PDE7A: variants seen among roughly 807,000 people sequenced by gnomAD.
PDE7A encodes the protein high affinity 3',5'-cyclic-AMP phosphodiesterase 7A.
Under a neutral mutation model 64.3 loss-of-function variants are expected in PDE7A, and 39 were observed. The observed-to-expected ratio is 0.61, with a 90% CI of 0.47 to 0.79. The LOEUF is 0.79. PDE7A is among the 30% of genes least tolerant of loss of function. The pLI is 0.00. For missense variants in PDE7A, 470 were observed against 582.8 expected (o/e 0.81, Z 1.99); for synonymous variants, 203 against 206.8 (o/e 0.98, Z 0.16).
At chr8:65,760,719 G>A (rs926086210) in intron 3 of PDE7A, among the ~76,000 whole-genome samples, 2 of 152,158 alleles carry the variant, frequency 1.3e-5, no homozygotes, top group Non-Finnish European at 2.9e-5. Context: ...CACAGACACT[G>A]TTTTCCTGGA....
chr8:65,828,507 A>T (rs942439515), intron 1 of PDE7A, among the ~76,000 whole-genome samples: 1 of 152,184 alleles, frequency 6.6e-6, no homozygotes, highest in African/African-American at 2.4e-5. Flanking sequence ...CACTGAAATG[A>T]ATTAAAATAT....
intron 5 of PDE7A, among the ~76,000 whole-genome samples, chr8:65,744,691 G>A (rs190586651): frequency 2.6e-5 from 4 of 152,196 alleles, no homozygotes; most frequent in Admixed American, 2.6e-4. Context: ...ATTATAAATG[G>A]CCACAATCTA....
intron 1 of PDE7A, among the ~76,000 whole-genome samples, chr8:65,838,128 C>T (rs1489299206): frequency 6.6e-6 from 1 of 152,064 alleles, no homozygotes; most frequent in African/African-American, 2.4e-5. Context: ...ATAAGATTTG[C>T]TTCCAGTGCA....
intron 5 of PDE7A, among the ~76,000 whole-genome samples, 161 bp from the exon 6 acceptor site, chr8:65,739,758 T>G (rs1303096639): frequency 1.3e-5 from 2 of 152,256 alleles, no homozygotes; most frequent in Non-Finnish European, 2.9e-5. Context: ...ATGAACTTTA[T>G]ATGTCACATC....
intron 3 of PDE7A, among the ~76,000 whole-genome samples, chr8:65,763,888 C>T (rs1808635819): frequency 6.6e-6 from 1 of 152,162 alleles, no homozygotes; most frequent in South Asian, 2.1e-4. Context: ...AGGTCCAATA[C>T]GTATCGGTCA....
chr8:65,807,109 T>A (rs1441949072), intron 1 of PDE7A, among the ~76,000 whole-genome samples: 1 of 152,250 alleles, frequency 6.6e-6, no homozygotes, highest in East Asian at 1.9e-4. Context: ...ATACTGAATC[T>A]GTAGATCAAT....
At chr8:65,795,948 GAA>G (rs58027345) in intron 1 of PDE7A, among the ~76,000 whole-genome samples, 1 of 150,600 alleles carries the variant, frequency 6.6e-6, no homozygotes, top group Non-Finnish European at 1.5e-5. Context: ...TGTACACAAT[GAA>G]AAAAAAGAAA....
intron 10 of PDE7A, among the ~76,000 whole-genome samples, 199 bp from the exon 11 acceptor site, chr8:65,724,550 T>A (rs1435724470): frequency 6.6e-6 from 1 of 152,172 alleles, no homozygotes; most frequent in African/African-American, 2.4e-5. Context: ...AAAAATTGTT[T>A]TCATCAGAAA....
chr8:65,795,701 G>C (rs1300126321), intron 1 of PDE7A, among the ~76,000 whole-genome samples: 2 of 152,048 alleles, frequency 1.3e-5, no homozygotes, highest in African/African-American at 4.8e-5. Context: ...AAGCGTAAAG[G>C]GATCAGGTGG....
intron 1 of PDE7A, among the ~76,000 whole-genome samples, chr8:65,786,282 A>C (rs147218822): frequency 1.3e-5 from 2 of 152,330 alleles, no homozygotes; most frequent in East Asian, 3.9e-4. Flanking sequence ...TTATGAAATA[A>C]ATCCAAATGA....
At chr8:65,780,266 A>G (rs1401341146) in intron 2 of PDE7A, among the ~76,000 whole-genome samples, 2 of 152,198 alleles carry the variant, frequency 1.3e-5, no homozygotes, top group Non-Finnish European at 2.9e-5. Context: ...GCACTATACT[A>G]TGGGCTAAAA....
At chr8:65,772,239 T>C (rs1351377679) in intron 3 of PDE7A, among the ~76,000 whole-genome samples, 2 of 152,234 alleles carry the variant, frequency 1.3e-5, no homozygotes, top group African/African-American at 4.8e-5. Flanking sequence ...ATGAATTTAA[T>C]ACACATATCC....
chr8:65,742,182 A>G (rs1347421865), intron 5 of PDE7A, among the ~76,000 whole-genome samples: 1 of 152,254 alleles, frequency 6.6e-6, no homozygotes, highest in Non-Finnish European at 1.5e-5. Context: ...TAGAAAAGCT[A>G]CCCACATAAA....
intron 1 of PDE7A, among the ~76,000 whole-genome samples, chr8:65,830,409 G>A (rs892693784): frequency 3.3e-5 from 5 of 151,774 alleles, no homozygotes; most frequent in African/African-American, 1.2e-4. Context: ...TAGAAGAATG[G>A]GTGCTACTGC....
Position 65,825,855 on chromosome 8 carries a change from TG to T in PDE7A, c.138+15515del, listed in dbSNP as rs531856938. 2.6e-5 allele frequency among the ~76,000 whole-genome samples: 4 copies of T among 151,826 alleles called. No homozygotes were observed. In the South Asian group the frequency reaches 8.3e-4, roughly 32 times the overall value. ...ACCACATATTCAATGGCGGTGAAGG[TG>T]GGGGGTGAGGCGGAGATGAATGCCA... On this transcript the variant is annotated intron_variant, in intron 1 of 12. Transcript: ENST00000401827.
intron 1 of PDE7A, among the ~76,000 whole-genome samples, chr8:65,836,502 G>A (rs915317386): frequency 1.3e-5 from 2 of 152,124 alleles, no homozygotes; most frequent in African/African-American, 4.8e-5. Context: ...ATCCTTTTGT[G>A]AATTTCAAAA....
chr8:65,735,038 C>A, intron 6 of PDE7A, 144 bp from the exon 7 acceptor site: 1 of 618,940 alleles, frequency 1.6e-6, no homozygotes, highest in Non-Finnish European at 2.9e-6. Context: ...ATGATAATCA[C>A]CTCACAACTC....
At position 65,724,864 on chromosome 8, in the gene PDE7A, C is replaced by T; in HGVS notation, c.978G>A (p.Gln326=). The change falls in exon 10 of 13, where the codon CAG becomes CAA. Residue 326 remains glutamine (Q), a synonymous_variant. Coordinates refer to ENST00000401827, the MANE Select transcript of PDE7A (RefSeq NM_001242318.3). ...ACCTAAACAAAGACAGATACTCATT[C>T]TGGCGACTGATGTCTGTGGCTAGTA... ...ALILATDISR[Q]NEYLSLFRSH... 6.2e-7 allele frequency: 1 copy of T among 1,611,156 alleles called. No homozygotes were observed. Among genetic ancestry groups the T allele is most frequent in the South Asian group, 1.1e-5 (1 of 90,882 alleles).
intron 12 of PDE7A, chr8:65,723,340 C>A: frequency 2.5e-6 from 1 of 398,168 alleles, no homozygotes; most frequent in Non-Finnish European, 4.0e-6. Flanking sequence ...GCCTGTTCTG[C>A]AAAAATATAC....
Sources: gnomAD v4.1 joint callset for allele counts (sites outside exome capture counted in the v4.1 genomes callset) on GRCh38, gnomAD v4.1.1 for gene constraint, MANE v1.5 for transcripts, NCBI Gene and HGNC (gene_info 2026-07-23, HGNC 2026-07-21) for gene names.